Variants in RNF24 observed in about 807,000 individuals in gnomAD.
RNF24 encodes ring finger protein 24.
A neutral mutation model predicts 20.0 loss-of-function variants in RNF24; 14 were observed. That is an observed-to-expected ratio of 0.70 (90% confidence interval 0.46 to 1.10). The LOEUF is 1.10. RNF24 is among the 50% of genes least tolerant of loss of function. The probability of loss-of-function intolerance (pLI) is 0.00; values close to 1 mark genes in which losing one functional copy is unlikely to be tolerated. For missense variants in RNF24, 124 were observed against 177.6 expected, an observed-to-expected ratio of 0.70 and a Z score of 1.71; for synonymous variants, 45 against 61.1, an observed-to-expected ratio of 0.74 and a Z score of 1.23.
At chr20:3,982,800 G>C (rs144488969) in intron 1 of RNF24, among the ~76,000 whole-genome samples, 14 of 152,140 alleles carry the variant, frequency 9.2e-5, no homozygotes, top group African/African-American at 3.4e-4. Flanking sequence ...GAGGTGGAAG[G>C]ACTGCTTAGG....
chr20:3,981,575 G>A (rs1005862774), intron 1 of RNF24, among the ~76,000 whole-genome samples: 4 of 149,874 alleles, frequency 2.7e-5, no homozygotes, highest in Non-Finnish European at 5.9e-5. Context: ...GCACCATCTC[G>A]GCTGACTGCA....
In RNF24 at chr20:3,987,435, AAACGC is replaced by A. The variant is rs1980026156; in HGVS notation, c.-7-23416_-7-23412del. On this transcript the variant is annotated intron_variant, in intron 1 of 5. Coordinates refer to ENST00000358395, the MANE Select transcript of RNF24 (RefSeq NM_001134337.3). ...TTTTTTTCTGCTGTGAGGAAAATCA[AAACGC>A]AACAGGACAGCAATACCTCATTTTG... Among the ~76,000 whole-genome samples the A allele has an allele frequency of 5.9e-5, 9 of 152,354 alleles. 1 individual carries two copies. The South Asian group carries it at 1.7e-3, about 28-fold the overall frequency.
Position 3,949,783 on chromosome 20 carries a change from A to T in RNF24, c.144-1504T>A, listed in dbSNP as rs563251882. 1.9e-3 allele frequency among the ~76,000 whole-genome samples: 285 copies of T among 152,338 alleles called. 2 individuals are homozygous for T. The highest frequency in any genetic ancestry group is 6.6e-3 in the African/African-American group (273 of 41,580). Reference sequence around the variant, plus strand: ...GTAGGTTAAGTCTGAAAAATTTTTAAATTTAAATGAAGTCTAATTTATCAA... The same window carrying T: ...GTAGGTTAAGTCTGAAAAATTTTTATATTTAAATGAAGTCTAATTTATCAA... On this transcript the variant is annotated intron_variant, in intron 2 of 5. Transcript: ENST00000358395.
rs1345135732 is a variant in RNF24, at chr20:4,002,771, C to T, written c.-8+12666G>A. On this transcript the variant is annotated intron_variant, in intron 1 of 5. Transcript: ENST00000358395. The stretch of plus-strand genomic sequence containing the variant: ...CTGGAAATCAACAGTAGATAAAATA[C>T]AGTTTTTATATAATACATTTTTAAA... Among the ~76,000 whole-genome samples the T allele has an allele frequency of 3.3e-5, 5 of 152,076 alleles. No homozygotes were observed. In the South Asian group the frequency reaches 8.3e-4, roughly 25 times the overall value.
chr20:3,946,802 G>C (rs913006237), intron 3 of RNF24, among the ~76,000 whole-genome samples: 1 of 152,016 alleles, frequency 6.6e-6, no homozygotes. Flanking sequence ...AGACCTGTAA[G>C]AGTGTGGGGT....
At chr20:3,952,641 T>C (rs1325837764) in intron 2 of RNF24, among the ~76,000 whole-genome samples, 3 of 150,990 alleles carry the variant, frequency 2.0e-5, no homozygotes, top group Admixed American at 1.3e-4. Flanking sequence ...ATAAAAGTGA[T>C]AGTGAATGTC....
intron 1 of RNF24, among the ~76,000 whole-genome samples, chr20:3,992,502 T>C (rs536624653): frequency 3.6e-4 from 54 of 151,048 alleles, no homozygotes; most frequent in Non-Finnish European, 7.5e-4. Context: ...CACAGGTACC[T>C]GGTAGCACTT....
At chr20:4,006,064 T>TA (rs1981843529) in intron 1 of RNF24, among the ~76,000 whole-genome samples, 1 of 152,138 alleles carries the variant, frequency 6.6e-6, no homozygotes, top group South Asian at 2.1e-4. Flanking sequence ...ACTACATACA[T>TA]AATTAACCTT....
At chr20:3,961,979 T>C (rs1406110436) in intron 2 of RNF24, among the ~76,000 whole-genome samples, 1 of 152,212 alleles carries the variant, frequency 6.6e-6, no homozygotes, top group Non-Finnish European at 1.5e-5. Flanking sequence ...GCAGTAATAT[T>C]AACATTTGTA....
At chr20:3,962,558 A>G (rs747163113) in intron 2 of RNF24, among the ~76,000 whole-genome samples, 21 of 150,324 alleles carry the variant, frequency 1.4e-4, no homozygotes, top group Non-Finnish European at 2.8e-4. Context: ...GTTTACAATT[A>G]CAAACACCCC....
chr20:3,937,953 C>T (rs1003656101), intron 4 of RNF24, among the ~76,000 whole-genome samples: 4 of 152,148 alleles, frequency 2.6e-5, no homozygotes, highest in Non-Finnish European at 4.4e-5. Context: ...TCCTTGTTTA[C>T]GTTCTTTTGG....
At chr20:3,993,833 C>T (rs1440710667) in intron 1 of RNF24, among the ~76,000 whole-genome samples, 1 of 152,142 alleles carries the variant, frequency 6.6e-6, no homozygotes, top group Non-Finnish European at 1.5e-5. Context: ...TATTTTTAAA[C>T]TTTTTATTTT....
At chr20:3,976,344 C>A (rs1978866779) in intron 1 of RNF24, among the ~76,000 whole-genome samples, 1 of 152,172 alleles carries the variant, frequency 6.6e-6, no homozygotes, top group African/African-American at 2.4e-5. Context: ...TTAAACCTAT[C>A]AGAATTGCTA....
chr20:3,977,780 G>C (rs1978999029), intron 1 of RNF24, among the ~76,000 whole-genome samples: 1 of 150,796 alleles, frequency 6.6e-6, no homozygotes. Context: ...CAGGAGAATG[G>C]CATGAACCCA....
chr20:4,013,843 C>T (rs1423475184), intron 1 of RNF24, among the ~76,000 whole-genome samples: 2 of 152,136 alleles, frequency 1.3e-5, no homozygotes, highest in East Asian at 1.9e-4. Flanking sequence ...TTTCCCAACA[C>T]CCTGTAAAAG....
At chr20:3,950,393 A>C (rs900511873) in intron 2 of RNF24, among the ~76,000 whole-genome samples, 1 of 152,230 alleles carries the variant, frequency 6.6e-6, no homozygotes, top group African/African-American at 2.4e-5. Context: ...GAAGTGAGGC[A>C]GCTACAAGCC....
In RNF24 at chr20:4,003,665, CAG is replaced by C. The variant is rs1283880668; in HGVS notation, c.-8+11770_-8+11771del. 1.4e-3 allele frequency among the ~76,000 whole-genome samples: 114 copies of C among 82,746 alleles called. 1 individual carries two copies. The highest frequency in any genetic ancestry group is 5.0e-3 in the African/African-American group (110 of 21,866). The allele number at this position is 82,746 out of a possible 152,430, so 54.3% of individuals were successfully genotyped here. A position where few individuals can be genotyped will look rare whatever the true frequency, so the allele number is the denominator to read the frequency against. On this transcript the variant is annotated intron_variant, in intron 1 of 5. Coordinates refer to ENST00000358395, the MANE Select transcript of RNF24 (RefSeq NM_001134337.3). Reference sequence around the variant, plus strand: ...TTTTTTTTTTTTTTTTTTTTTGAGACAGAGTCTCACTCTATTGCCCAGGATGG... The same window carrying C: ...TTTTTTTTTTTTTTTTTTTTTGAGACAGTCTCACTCTATTGCCCAGGATGG...
At chr20:3,966,638 G>C (rs2091262511) in intron 1 of RNF24, among the ~76,000 whole-genome samples, 1 of 152,154 alleles carries the variant, frequency 6.6e-6, no homozygotes. Context: ...TGCATGCACT[G>C]ACAGCTTTCT....
intron 1 of RNF24, among the ~76,000 whole-genome samples, chr20:4,006,641 C>T (rs894509629): frequency 6.6e-5 from 10 of 152,184 alleles, no homozygotes; most frequent in African/African-American, 2.4e-4. Flanking sequence ...ATTAAATTTC[C>T]AGAGCAAATT....
Sources: allele counts gnomAD v4.1 joint callset (sites outside exome capture counted in the v4.1 genomes callset), GRCh38; gene constraint gnomAD v4.1.1; transcripts MANE v1.5; gene names NCBI Gene and HGNC (gene_info 2026-07-23, HGNC 2026-07-21).